ADAMTS2: variants seen among roughly 807,000 people sequenced by gnomAD.
ADAMTS2 encodes the protein ADAM metallopeptidase with thrombospondin type 1 motif 2.
A neutral mutation model predicts 123.0 loss-of-function variants in ADAMTS2; 50 were observed. The ratio of observed to expected loss-of-function variants is 0.41; its 90% CI spans 0.32 to 0.51. The LOEUF (loss-of-function observed/expected upper bound fraction) is 0.51, where lower values mean the gene tolerates loss of function less well. Among genes scored for constraint, ADAMTS2 ranks in the 20% least tolerant of loss-of-function variants. ADAMTS2 has a pLI of 0.35. For synonymous variants in ADAMTS2, 678 were observed against 695.4 expected (o/e 0.98, Z 0.39); for missense variants, 1,494 against 1,705.2 (o/e 0.88, Z 2.18).
rs558326569 is a variant in ADAMTS2, at chr5:179,270,557, G to A, written c.688+2354C>T. 8.5e-5 allele frequency among the ~76,000 whole-genome samples: 13 copies of A among 152,296 alleles called. No homozygotes were observed. In the South Asian group the frequency reaches 2.7e-3, roughly 32 times the overall value. ...CACACACACCCGCACCCAGGTCCTG[G>A]AGTTGTGTGCCAGGCAGGCTGTGCC... On this transcript the variant is annotated intron_variant, in intron 3 of 21. Transcript: ENST00000251582.
At position 179,162,830 on chromosome 5, in the gene ADAMTS2, C is replaced by T. The variant is rs1478229121; in HGVS notation, c.976-3951G>A. On this transcript the variant is annotated intron_variant, in intron 5 of 21. Transcript: ENST00000251582. This position sits in a 1 kb window ranked among gnomAD's most constrained non-coding sequence, Gnocchi z 5.1. ...AGCCAATTCTGAGTTGTGCTCTTGT[C>T]ACTTGCAGCGAAGAGAATCTGAGCC... Among the ~76,000 whole-genome samples the T allele has an allele frequency of 6.6e-6, 1 of 152,240 alleles. No homozygotes were observed. Among genetic ancestry groups the T allele is most frequent in the Non-Finnish European group, 1.5e-5 (1 of 68,042 alleles).
chr5:179,165,690 C>T (rs963389006), intron 5 of ADAMTS2, among the ~76,000 whole-genome samples: 5 of 152,182 alleles, frequency 3.3e-5, no homozygotes, highest in Non-Finnish European at 7.3e-5. Flanking sequence ...ATGGACATTT[C>T]GAGGCCCTGG....
chr5:179,216,424 C>T (rs1381187994), intron 3 of ADAMTS2, among the ~76,000 whole-genome samples: 1 of 151,180 alleles, frequency 6.6e-6, no homozygotes, highest in Admixed American at 6.6e-5. Flanking sequence ...CCAGCTTTCC[C>T]CCCACCGAGA....
intron 4 of ADAMTS2, among the ~76,000 whole-genome samples, chr5:179,187,397 C>T (rs943232431): frequency 6.6e-6 from 1 of 152,260 alleles, no homozygotes; most frequent in Non-Finnish European, 1.5e-5. Flanking sequence ...AGCCTGTCTC[C>T]ACCTCAGGAA....
chr5:179,115,652 AAAAGG>A lies in ADAMTS2; in HGVS notation c.3179-1333_3179-1329del, dbSNP rs1762644396. Among the ~76,000 whole-genome samples the A allele has an allele frequency of 6.6e-6, 1 of 152,148 alleles. No individual in the cohort carries two copies. The highest frequency in any genetic ancestry group is 1.5e-5 in the Non-Finnish European group (1 of 68,044). On this transcript the variant is annotated intron_variant, in intron 21 of 21. Coordinates refer to ENST00000251582, the MANE Select transcript of ADAMTS2 (RefSeq NM_014244.5). This position sits in a 1 kb window ranked among gnomAD's most constrained non-coding sequence, Gnocchi z 4.4. ...GAACTGAAGGAAGGAAAGAAAGGAAAAAAGGAAAGGGAGGGAGGGACAAAAGGAAG... is the reference window on the plus strand; with the variant it reads ...GAACTGAAGGAAGGAAAGAAAGGAAAAAAGGGAGGGAGGGACAAAAGGAAG...
rs1757867571 is a variant in ADAMTS2 at position 179,344,153 on chromosome 5, G to C, written c.148C>G (p.Leu50Val). ...AGGATGCGCTCCGCTCCGTGCCCCA[G>C]GGGCCCGCCTGCAACGGGAAGGGGC... ...AAAADPPGGP[L>V]GHGAERILAV... The change falls in exon 2 of 22, where the codon CTG becomes GTG. Residue 50 changes from leucine to valine, a missense_variant. Leu to Val is a conservative substitution (Grantham distance 32). Coordinates refer to ENST00000251582, the MANE Select transcript of ADAMTS2 (RefSeq NM_014244.5). 1 of 1,598,936 alleles carries C rather than the reference G, an allele frequency of 6.3e-7. No homozygotes were observed. The highest frequency in any genetic ancestry group is 8.5e-7 in the Non-Finnish European group (1 of 1,173,966).
intron 2 of ADAMTS2, among the ~76,000 whole-genome samples, chr5:179,335,765 G>A (rs1237089394): frequency 3.3e-5 from 5 of 152,136 alleles, no homozygotes; most frequent in Admixed American, 2.6e-4. Context: ...TGCATGAAAC[G>A]TGAAGACACC....
chr5:179,149,184 T>G (rs1297607305), intron 10 of ADAMTS2, among the ~76,000 whole-genome samples: 1 of 152,104 alleles, frequency 6.6e-6, no homozygotes, highest in Non-Finnish European at 1.5e-5. Flanking sequence ...GTGGGGGCCT[T>G]CGGGAAGCGT....
chr5:179,139,137 G>A (rs912954693), intron 11 of ADAMTS2, among the ~76,000 whole-genome samples: 2 of 152,216 alleles, frequency 1.3e-5, no homozygotes, highest in African/African-American at 4.8e-5. Context: ...GCAGGTGGGA[G>A]ACGGGGGTAA....
intron 2 of ADAMTS2, 145 bp from the exon 3 acceptor site, chr5:179,273,209 G>T: frequency 7.6e-7 from 1 of 1,309,436 alleles, no homozygotes; most frequent in Non-Finnish European, 1.1e-6. Context: ...ACCCTGGGCT[G>T]GCCGGAGGGT....
intron 3 of ADAMTS2, among the ~76,000 whole-genome samples, chr5:179,223,590 T>A (rs1340028221): frequency 4.7e-5 from 6 of 128,848 alleles, no homozygotes; most frequent in Admixed American, 2.4e-4. Context: ...ACGCATGCAC[T>A]CACGCGTGAA....
intron 10 of ADAMTS2, among the ~76,000 whole-genome samples, chr5:179,147,397 C>A (rs1015843142): frequency 6.6e-6 from 1 of 152,190 alleles, no homozygotes; most frequent in African/African-American, 2.4e-5. Context: ...CCTAAGCCAG[C>A]TTTTGAACAA....
intron 2 of ADAMTS2, among the ~76,000 whole-genome samples, chr5:179,334,513 C>T (rs565740039): frequency 6.6e-6 from 1 of 152,266 alleles, no homozygotes; most frequent in Admixed American, 6.5e-5. Flanking sequence ...CATCTTAATC[C>T]ACAGCAAGCG....
At chr5:179,221,776 A>G (rs1258695034) in intron 3 of ADAMTS2, among the ~76,000 whole-genome samples, 1 of 151,824 alleles carries the variant, frequency 6.6e-6, no homozygotes, top group East Asian at 1.9e-4. Context: ...AGACCCTGGA[A>G]CTTGCCAGAC....
At chr5:179,298,782 T>C (rs983048712) in intron 2 of ADAMTS2, among the ~76,000 whole-genome samples, 3 of 152,124 alleles carry the variant, frequency 2.0e-5, no homozygotes, top group African/African-American at 7.2e-5. Context: ...CAGATATAAA[T>C]GCTGACAAGA....
In ADAMTS2 at chr5:179,112,573, A is replaced by G. The variant is rs1051496213; in HGVS notation, c.*1294T>C. 1 of 152,140 alleles carries G rather than the reference A, an allele frequency of 6.6e-6. No homozygotes were observed. The highest frequency in any genetic ancestry group is 1.5e-5 in the Non-Finnish European group (1 of 68,034). 9.4% of individuals were successfully genotyped at this position (152,140 alleles called of 1,614,324 possible). A position where few individuals can be genotyped will look rare whatever the true frequency, so the allele number is the denominator to read the frequency against. The stretch of plus-strand genomic sequence containing the variant: ...ACCCTAAGCCCCCATCAGAGGCCAC[A>G]TTTTGCAGGTCACTGCTGGGTTCTG... On this transcript the variant is annotated 3_prime_UTR_variant, in exon 22 of 22. Transcript: ENST00000251582.
intron 3 of ADAMTS2, among the ~76,000 whole-genome samples, chr5:179,217,476 A>T (rs1182417053): frequency 6.6e-6 from 1 of 152,216 alleles, no homozygotes; most frequent in Non-Finnish European, 1.5e-5. Context: ...TGTTAGGACA[A>T]CTGGTTAGAG....
chr5:179,338,770 G>A (rs55738480), intron 2 of ADAMTS2, among the ~76,000 whole-genome samples: 1,541 of 152,250 alleles, frequency 0.01, 21 homozygotes, highest in African/African-American at 0.035. Context: ...AAATCCCTCT[G>A]GCTGCAGAGT....
Position 179,317,665 on chromosome 5 carries a change from T to C in ADAMTS2, c.534+26102A>G, listed in dbSNP as rs532145786. On this transcript the variant is annotated intron_variant, in intron 2 of 21. Transcript: ENST00000251582. This position sits in a 1 kb window ranked among gnomAD's most constrained non-coding sequence, Gnocchi z 4.9. ...GAGCATATGTGTGCTGAGGGACACA[T>C]GCCCCACACAAACGCCCCCACATGT... Among the ~76,000 whole-genome samples the C allele has an allele frequency of 6.6e-6, 1 of 152,270 alleles. No homozygotes were observed. The highest frequency in any genetic ancestry group is 6.5e-5 in the Admixed American group (1 of 15,302).
Sources: gnomAD v4.1 joint callset for allele counts (sites outside exome capture counted in the v4.1 genomes callset) on GRCh38, gnomAD v4.1.1 for gene constraint, Gnocchi (gnomAD v3.1) non-coding constraint, MANE v1.5 for transcripts, NCBI Gene and HGNC (gene_info 2026-07-23, HGNC 2026-07-21) for gene names.